UBE2D3: variants seen among roughly 807,000 people sequenced by gnomAD.
UBE2D3 encodes ubiquitin-conjugating enzyme E2 D3.
In UBE2D3, 2 loss-of-function variants were observed where a neutral mutation model predicts 22.8. That is an observed-to-expected ratio of 0.09 (90% confidence interval 0.04 to 0.28). The LOEUF (loss-of-function observed/expected upper bound fraction) is 0.28. UBE2D3 is among the 10% of genes least tolerant of loss of function. The probability of loss-of-function intolerance (pLI) is 1.00; values close to 1 mark genes in which losing one functional copy is unlikely to be tolerated. For synonymous variants in UBE2D3, 56 were observed against 60.4 expected (o/e 0.93, Z 0.34); for missense variants, 27 against 182.5 (o/e 0.15, Z 4.91).
intron 1 of UBE2D3, among the ~76,000 whole-genome samples, chr4:102,834,280 A>C (rs533198446): frequency 6.6e-6 from 1 of 152,260 alleles, no homozygotes; most frequent in East Asian, 1.9e-4. Flanking sequence ...AAGTTTTCAT[A>C]AGGGTTTTTA....
intron 2 of UBE2D3, among the ~76,000 whole-genome samples, chr4:102,814,895 C>T (rs967213394): frequency 3.9e-5 from 6 of 152,022 alleles, no homozygotes; most frequent in Admixed American, 2.6e-4. Context: ...TCTTTGTAAG[C>T]ATCTGAATAT....
intron 6 of UBE2D3, among the ~76,000 whole-genome samples, chr4:102,800,513 G>A (rs1432895495): frequency 6.6e-6 from 1 of 151,996 alleles, no homozygotes; most frequent in East Asian, 1.9e-4. Flanking sequence ...TACACTCCCA[G>A]CAGTAGTAGA....
At chr4:102,825,367 A>G in intron 2 of UBE2D3, 1 of 1,009,816 alleles carries the variant, frequency 9.9e-7, no homozygotes, top group Middle Eastern at 5.0e-4. Flanking sequence ...AGTCACAAAA[A>G]AGGGAAATAC....
intron 2 of UBE2D3, among the ~76,000 whole-genome samples, chr4:102,818,752 A>T (rs1020150342): frequency 4.7e-5 from 7 of 148,442 alleles, no homozygotes; most frequent in African/African-American, 1.7e-4. Flanking sequence ...TTTGGTCACT[A>T]TTTTTTTTTT....
chr4:102,840,860 T>A (rs1322197856), intron 1 of UBE2D3, among the ~76,000 whole-genome samples: 2 of 151,980 alleles, frequency 1.3e-5, no homozygotes, highest in Non-Finnish European at 2.9e-5. Context: ...AGCAGTTTGT[T>A]ACAAAAATTA....
chr4:102,847,748 A>T (rs1301236329), intron 1 of UBE2D3, among the ~76,000 whole-genome samples: 1 of 151,776 alleles, frequency 6.6e-6, no homozygotes, highest in Non-Finnish European at 1.5e-5. Context: ...GGCTTAGACA[A>T]CCCTCCTGCC....
At chr4:102,826,782 G>C in intron 1 of UBE2D3, 146 bp from the exon 2 acceptor site, 1 of 1,275,108 alleles carries the variant, frequency 7.8e-7, no homozygotes, top group South Asian at 2.3e-5. Flanking sequence ...CTTTCGGCCC[G>C]AAGTGGGGGC....
intron 1 of UBE2D3, among the ~76,000 whole-genome samples, chr4:102,866,406 T>C (rs1232151883): frequency 6.6e-6 from 1 of 152,188 alleles, no homozygotes; most frequent in Non-Finnish European, 1.5e-5. Context: ...GTCAAAAACA[T>C]GCACAGCAAT....
intron 2 of UBE2D3, among the ~76,000 whole-genome samples, chr4:102,816,734 T>C (rs931095710): frequency 2.0e-5 from 3 of 152,192 alleles, no homozygotes; most frequent in African/African-American, 7.2e-5. Flanking sequence ...AGGTTAACTT[T>C]CACACTGGAG....
Position 102,826,592 on chromosome 4 carries a change from G to C in UBE2D3, c.-84C>G. The C allele has an allele frequency of 1.2e-6, 2 of 1,602,772 alleles. No individual in the cohort carries two copies. The highest frequency in any genetic ancestry group is 2.2e-5 in the East Asian group (1 of 44,836). Reference sequence around the variant, plus strand: ...AAACTCTTGATTATCCCGGCGGCGGGGCAGGATTGTCTCGTCTCACACCAG... The same window carrying C: ...AAACTCTTGATTATCCCGGCGGCGGCGCAGGATTGTCTCGTCTCACACCAG... On this transcript the variant is annotated 5_prime_UTR_variant, in exon 2 of 8. Transcript: ENST00000453744.
intron 4 of UBE2D3, among the ~76,000 whole-genome samples, chr4:102,805,089 C>G (rs1726819463): frequency 6.6e-6 from 1 of 152,172 alleles, no homozygotes; most frequent in South Asian, 2.1e-4. Flanking sequence ...TGAATAAAGG[C>G]AATCTGCTGA....
At chr4:102,840,064 A>G (rs1731658409) in intron 1 of UBE2D3, among the ~76,000 whole-genome samples, 1 of 152,226 alleles carries the variant, frequency 6.6e-6, no homozygotes, top group African/African-American at 2.4e-5. Flanking sequence ...GCAAATGAAA[A>G]CCACAGTAAG....
chr4:102,867,029 C>CTTTGT (rs1422003380), intron 1 of UBE2D3, among the ~76,000 whole-genome samples: 1 of 152,248 alleles, frequency 6.6e-6, no homozygotes, highest in Non-Finnish European at 1.5e-5. Context: ...ACCTTTTAAA[C>CTTTGT]ATCACTTTGT....
chr4:102,821,748 A>G (rs953819330), intron 2 of UBE2D3, among the ~76,000 whole-genome samples: 10 of 152,210 alleles, frequency 6.6e-5, no homozygotes, highest in African/African-American at 1.9e-4. Flanking sequence ...CTGTATCAAA[A>G]TATTTCATGC....
chr4:102,858,172 A>G (rs1732719338), intron 1 of UBE2D3, among the ~76,000 whole-genome samples: 1 of 152,080 alleles, frequency 6.6e-6, no homozygotes, highest in Non-Finnish European at 1.5e-5. Flanking sequence ...ATTAAAACAC[A>G]TAATGTACAA....
intron 5 of UBE2D3, chr4:102,801,785 GT>G: frequency 2.8e-6 from 1 of 360,098 alleles, no homozygotes; most frequent in Non-Finnish European, 5.1e-6. Flanking sequence ...ATGATGTAAA[GT>G]TCTAAAGGTT....
upstream of UBE2D3, among the ~76,000 whole-genome samples, chr4:102,830,136 T>C (rs1731043710): frequency 6.6e-6 from 1 of 152,224 alleles, no homozygotes; most frequent in South Asian, 2.1e-4. Context: ...AAAAGAAACA[T>C]AGCCTAGAAG....
intron 6 of UBE2D3, among the ~76,000 whole-genome samples, chr4:102,801,062 C>T (rs1726082754): frequency 6.6e-6 from 1 of 151,884 alleles, no homozygotes; most frequent in African/African-American, 2.4e-5. Flanking sequence ...TCAGAATTTT[C>T]CTAGAGTGGA....
chr4:102,799,291 C>T, intron 7 of UBE2D3, 116 bp downstream of exon 7: 1 of 811,258 alleles, frequency 1.2e-6, no homozygotes, highest in Non-Finnish European at 1.9e-6. Flanking sequence ...TAGCTTTCTC[C>T]ATATTTTAAC....
Sources: gnomAD v4.1 joint callset for allele counts (sites outside exome capture counted in the v4.1 genomes callset) on GRCh38, gnomAD v4.1.1 for gene constraint, MANE v1.5 for transcripts, NCBI Gene and HGNC (gene_info 2026-07-23, HGNC 2026-07-21) for gene names.